The following SMARCA1 variants were observed in gnomAD, a reference collection of about 807,000 sequenced individuals.
SMARCA1 encodes SWI/SNF-related matrix-associated actin-dependent regulator of chromatin subfamily A member 1.
SMARCA1 carries 17 observed loss-of-function variants against 93.6 expected under a neutral mutation model. The ratio of observed to expected loss-of-function variants is 0.18; its 90% CI spans 0.12 to 0.27. The LOEUF is 0.27. SMARCA1 is among the 10% of genes least tolerant of loss of function. SMARCA1 has a pLI of 1.00. For missense variants in SMARCA1, 630 were observed against 819.0 expected (o/e 0.77, Z 2.82); for synonymous variants, 271 against 271.4 (o/e 1.00, Z 0.01).
At position 129,499,725 on chromosome X, in the gene SMARCA1, A is replaced by G. The variant is rs761280834; in HGVS notation, c.1277+7T>C. The G allele has an allele frequency of 2.0e-6, 2 of 986,005 alleles. No homozygotes were observed. The highest frequency in any genetic ancestry group is 4.5e-5 in the Admixed American group (2 of 43,964). 81.3% of individuals were successfully genotyped at this position (986,005 alleles called of 1,213,427 possible). A position where few individuals can be genotyped will look rare whatever the true frequency, so the allele number is the denominator to read the frequency against. ...AAATAAGTTTTAAAGGAAATGAAAT[A>G]GCTCACCATTCTCGTTGCATCTTAC... On this transcript the variant is annotated splice_region_variant and intron_variant, in intron 10 of 24. Transcript: ENST00000371121.
chrX:129,507,619 T>C (rs1483867631), intron 7 of SMARCA1, among the ~76,000 whole-genome samples: 1 of 112,534 alleles, frequency 8.9e-6, no homozygotes, highest in East Asian at 2.8e-4. Context: ...AGGGGTGCGA[T>C]CTCGGCTCAC....
intron 23 of SMARCA1, among the ~76,000 whole-genome samples, chrX:129,456,419 T>C (rs1467152472): frequency 8.9e-6 from 1 of 112,070 alleles, no homozygotes; most frequent in Non-Finnish European, 1.9e-5. Flanking sequence ...TTACAGCCCA[T>C]GGATCAAAGA....
chrX:129,451,220 T>C (rs1294584119), intron 23 of SMARCA1, among the ~76,000 whole-genome samples: 1 of 112,037 alleles, frequency 8.9e-6, no homozygotes, highest in African/African-American at 3.2e-5. Flanking sequence ...CATAGCTTCA[T>C]TCAATAACAC....
intron 6 of SMARCA1, among the ~76,000 whole-genome samples, chrX:129,509,445 C>A (rs762061931): frequency 1.3e-4 from 14 of 110,574 alleles, no homozygotes; most frequent in Admixed American, 9.7e-4. Context: ...TTAATTAAGA[C>A]ATTAGGGAAT....
At chrX:129,481,852 A>G (rs1219860430) in intron 17 of SMARCA1, among the ~76,000 whole-genome samples, 3 of 110,921 alleles carry the variant, frequency 2.7e-5, no homozygotes, top group Admixed American at 1.9e-4. Context: ...AAGGAATATA[A>G]ATCTTGCTGC....
At chrX:129,484,108 C>T (rs1338928507) in intron 17 of SMARCA1, among the ~76,000 whole-genome samples, 1 of 111,629 alleles carries the variant, frequency 9.0e-6, no homozygotes, top group Non-Finnish European at 1.9e-5. Context: ...CATTACTTTG[C>T]TAAAATTAGA....
At chrX:129,478,768 AT>A (rs1007490476) in intron 19 of SMARCA1, among the ~76,000 whole-genome samples, 12 of 112,221 alleles carry the variant, frequency 1.1e-4, no homozygotes, top group Admixed American at 3.8e-4. Context: ...ATCAGAGATG[AT>A]TTTTTTAATT....
At chrX:129,483,692 C>CA (rs1170357440) in intron 17 of SMARCA1, among the ~76,000 whole-genome samples, 1 of 110,595 alleles carries the variant, frequency 9.0e-6, no homozygotes, top group Non-Finnish European at 1.9e-5. Context: ...CCTCAACTTT[C>CA]AAAAAAAAGA....
intron 12 of SMARCA1, among the ~76,000 whole-genome samples, chrX:129,493,402 A>G (rs759512880): frequency 1.8e-5 from 2 of 111,809 alleles, no homozygotes; most frequent in East Asian, 5.6e-4. Context: ...TTTAATTTCA[A>G]AACTTCCTTC....
intron 14 of SMARCA1, among the ~76,000 whole-genome samples, chrX:129,490,946 A>G (rs190229039): frequency 8.9e-6 from 1 of 112,193 alleles, no homozygotes; most frequent in African/African-American, 3.2e-5. Flanking sequence ...AAATCCTGAA[A>G]GATGGGATGC....
intron 23 of SMARCA1, among the ~76,000 whole-genome samples, chrX:129,457,344 T>C (rs1346291528): frequency 8.9e-6 from 1 of 112,506 alleles, no homozygotes; most frequent in African/African-American, 3.2e-5. Context: ...TGCTTTATTG[T>C]AGTGTTCTGG....
chrX:129,463,648 G>A (rs1008512781), intron 23 of SMARCA1, among the ~76,000 whole-genome samples: 2 of 111,523 alleles, frequency 1.8e-5, no homozygotes, highest in South Asian at 7.5e-4. Flanking sequence ...CCTATTAAAT[G>A]TCATGTTTGC....
chrX:129,467,967 GA>G lies in SMARCA1; in HGVS notation c.2698+805del, dbSNP rs1207837369. Reference sequence around the variant, plus strand: ...AAGAGCTGAACCTATTTGGAAGTTAGAAAAGTCCCATGTACTACATATAGAA... The same window carrying G: ...AAGAGCTGAACCTATTTGGAAGTTAGAAAGTCCCATGTACTACATATAGAA... On this transcript the variant is annotated intron_variant, in intron 21 of 24. Coordinates refer to ENST00000371121, the MANE Select transcript of SMARCA1 (RefSeq NM_001282874.2). Among the ~76,000 whole-genome samples, 7 of 112,447 alleles carry G rather than the reference GA, an allele frequency of 6.2e-5. No individual in the cohort carries two copies. The East Asian group carries it at 1.9e-3, about 31-fold the overall frequency.
At chrX:129,486,142 T>C (rs1310166123) in intron 17 of SMARCA1, among the ~76,000 whole-genome samples, 1 of 110,541 alleles carries the variant, frequency 9.0e-6, no homozygotes, top group East Asian at 2.8e-4. Flanking sequence ...GAAAAAATAA[T>C]AAAGTCTATT....
intron 18 of SMARCA1, 114 bp downstream of exon 18, chrX:129,480,961 C>T (rs1444930349): frequency 3.6e-6 from 2 of 559,880 alleles, no homozygotes. Flanking sequence ...CTTTTTTGTA[C>T]TGTTATATTT....
Position 129,518,293 on chromosome X carries a change from T to C in SMARCA1, c.261+68A>G, listed in dbSNP as rs943100456. Reference sequence around the variant, plus strand: ...GCATTATATATATACATGTATTTTTTCATCTTTAACATCTCAACTATAAAA... The same window carrying C: ...GCATTATATATATACATGTATTTTTCCATCTTTAACATCTCAACTATAAAA... On this transcript the variant is annotated intron_variant, in intron 2 of 24. Coordinates refer to ENST00000371121, the MANE Select transcript of SMARCA1 (RefSeq NM_001282874.2). The C allele has an allele frequency of 5.0e-6, 3 of 600,413 alleles. No homozygotes were observed. The Admixed American group carries it at 1.0e-4, about 21-fold the overall frequency. 49.5% of individuals were successfully genotyped at this position (600,413 alleles called of 1,213,427 possible).
chrX:129,521,975 A>G (rs1272255667), intron 1 of SMARCA1, among the ~76,000 whole-genome samples: 1 of 111,994 alleles, frequency 8.9e-6, no homozygotes, highest in Non-Finnish European at 1.9e-5. Context: ...ATTTGGTCGT[A>G]TAGTATCATA....
chrX:129,459,447 C>G (rs1453457661), intron 23 of SMARCA1, among the ~76,000 whole-genome samples: 1 of 112,192 alleles, frequency 8.9e-6, no homozygotes, highest in Non-Finnish European at 1.9e-5. Flanking sequence ...ATGTTGTTAT[C>G]ACTTCCTCAC....
At chrX:129,507,851 G>C (rs1172149426) in intron 7 of SMARCA1, 90 bp downstream of exon 7, 12 of 598,190 alleles carry the variant, frequency 2.0e-5, no homozygotes, top group Non-Finnish European at 3.0e-5. Context: ...CACACCGGCT[G>C]TTCCATCATT....
Sources: gnomAD v4.1 joint callset for allele counts (sites outside exome capture counted in the v4.1 genomes callset) on GRCh38, gnomAD v4.1.1 for gene constraint, MANE v1.5 for transcripts, NCBI Gene and HGNC (gene_info 2026-07-23, HGNC 2026-07-21) for gene names.